The following PTPRA variants were observed in gnomAD, a reference collection of about 807,000 sequenced individuals.
PTPRA encodes receptor-type tyrosine-protein phosphatase alpha.
A neutral mutation model predicts 104.8 loss-of-function variants in PTPRA; 25 were observed. That is an observed-to-expected ratio of 0.24 (90% CI 0.17 to 0.33). PTPRA has a LOEUF of 0.33. Ranked by LOEUF, PTPRA falls within the 10% of genes least tolerant of loss-of-function variation. PTPRA has a pLI of 1.00. For missense variants in PTPRA, 765 were observed against 1,015.3 expected (o/e 0.75, Z 3.35); for synonymous variants, 323 against 368.9 (o/e 0.88, Z 1.43).
intron 22 of PTPRA, among the ~76,000 whole-genome samples, chr20:3,036,666 G>A (rs890678230): frequency 6.6e-6 from 1 of 152,260 alleles, no homozygotes; most frequent in Non-Finnish European, 1.5e-5. Flanking sequence ...TCAGTGTCTG[G>A]TGAGTGAATC....
At chr20:3,028,169 C>T (rs2065240646) in intron 20 of PTPRA, among the ~76,000 whole-genome samples, 1 of 151,038 alleles carries the variant, frequency 6.6e-6, no homozygotes, top group Non-Finnish European at 1.5e-5. Context: ...CTAGCCTTTG[C>T]ACAGTGCCCC....
intron 2 of PTPRA, among the ~76,000 whole-genome samples, chr20:2,929,898 G>C (rs1000122639): frequency 2.0e-5 from 3 of 152,122 alleles, no homozygotes; most frequent in East Asian, 1.9e-4. Flanking sequence ...TGATGTGACT[G>C]GTGTCCTTGT....
chr20:2,979,910 T>TTTTTG (rs1205318449), intron 6 of PTPRA, among the ~76,000 whole-genome samples: 8 of 151,994 alleles, frequency 5.3e-5, no homozygotes, highest in South Asian at 2.1e-4. Flanking sequence ...TTTGTTTTCA[T>TTTTTG]TTTTGTTTTG....
intron 11 of PTPRA, among the ~76,000 whole-genome samples, chr20:3,012,092 G>A (rs907121801): frequency 6.6e-6 from 1 of 152,222 alleles, no homozygotes; most frequent in Non-Finnish European, 1.5e-5. Flanking sequence ...AGTCAAGCTA[G>A]AAGGGAGCAG....
At chr20:2,904,050 A>C (rs1173959843) in intron 1 of PTPRA, among the ~76,000 whole-genome samples, 1 of 151,832 alleles carries the variant, frequency 6.6e-6, no homozygotes, top group East Asian at 1.9e-4. Context: ...AGGACCACAG[A>C]CGCGTGCCAC....
At chr20:2,916,419 T>A (rs2059906338) in intron 1 of PTPRA, among the ~76,000 whole-genome samples, 1 of 152,214 alleles carries the variant, frequency 6.6e-6, no homozygotes, top group African/African-American at 2.4e-5. Flanking sequence ...CCCAGTGCCA[T>A]TTGTTGAAGA....
At chr20:3,033,256 A>G (rs2065608079) in intron 20 of PTPRA, among the ~76,000 whole-genome samples, 1 of 150,596 alleles carries the variant, frequency 6.6e-6, no homozygotes, top group East Asian at 1.9e-4. Context: ...AGTCCACCCC[A>G]CTCTTAGCCA....
chr20:2,945,041 A>AT (rs2061073825), intron 2 of PTPRA, among the ~76,000 whole-genome samples: 1 of 151,818 alleles, frequency 6.6e-6, no homozygotes, highest in Admixed American at 6.6e-5. Context: ...TCTCTTTGGT[A>AT]TTTTTTTATA....
At position 3,037,810 on chromosome 20, in the gene PTPRA, T is replaced by C. The variant is rs940836748; in HGVS notation, c.2335-249T>C. Among the ~76,000 whole-genome samples the C allele has an allele frequency of 1.3e-5, 2 of 152,120 alleles. No individual in the cohort carries two copies. The highest frequency in any genetic ancestry group is 2.4e-5 in the African/African-American group (1 of 41,430). ...CTGCACTGTCTCCCAGCCCAGCACATGCCTGTCTGACCTCTGTGGGGCCTG... is the reference window on the plus strand; with the variant it reads ...CTGCACTGTCTCCCAGCCCAGCACACGCCTGTCTGACCTCTGTGGGGCCTG... On this transcript the variant is annotated intron_variant, in intron 23 of 23. Transcript: ENST00000399903. The surrounding 1 kb of genome is among the most constrained non-coding windows in gnomAD (Gnocchi z 4.3).
chr20:2,935,899 C>T (rs1463743528), intron 2 of PTPRA, among the ~76,000 whole-genome samples: 5 of 152,138 alleles, frequency 3.3e-5, no homozygotes, highest in African/African-American at 4.8e-5. Flanking sequence ...TGCCTATGAT[C>T]CCAGCTACTT....
Position 3,037,738 on chromosome 20 carries a change from G to C in PTPRA, c.2335-321G>C, listed in dbSNP as rs149921665. ...TTGGGAGACGAGGTTCTGAGAGCCA[G>C]GGTGCATGCTAGCCTGGCAGCCATG... is the stretch of plus-strand genomic sequence containing the variant. On this transcript the variant is annotated intron_variant, in intron 23 of 23. Coordinates refer to ENST00000399903, the MANE Select transcript of PTPRA (RefSeq NM_001385305.1). The surrounding 1 kb of genome is among the most constrained non-coding windows in gnomAD (Gnocchi z 4.3). 4.2e-4 allele frequency among the ~76,000 whole-genome samples: 64 copies of C among 152,318 alleles called. No individual in the cohort carries two copies. The highest frequency in any genetic ancestry group is 3.4e-3 in the Middle Eastern group (1 of 294).
Position 3,022,853 on chromosome 20 carries a change from G to T in PTPRA, c.1464+29G>T, listed in dbSNP as rs186404245. On this transcript the variant is annotated intron_variant, in intron 16 of 23. Coordinates refer to ENST00000399903, the MANE Select transcript of PTPRA (RefSeq NM_001385305.1). The surrounding 1 kb of genome is among the most constrained non-coding windows in gnomAD (Gnocchi z 4.6). ...AGTGATCTGTGGGTCAGGTGAGGGT[G>T]GGGGGTTCCAGGACTAAAACATCTG... 2 of 1,613,726 alleles carry T rather than the reference G, an allele frequency of 1.2e-6. No individual in the cohort carries two copies. Among genetic ancestry groups the T allele is most frequent in the Admixed American group, 1.7e-5 (1 of 59,998 alleles).
intron 2 of PTPRA, among the ~76,000 whole-genome samples, chr20:2,941,819 G>A (rs549421276): frequency 6.6e-6 from 1 of 152,082 alleles, no homozygotes; most frequent in Admixed American, 6.5e-5. Flanking sequence ...CCTGATTCCT[G>A]TTCATCTTCT....
intron 1 of PTPRA, among the ~76,000 whole-genome samples, chr20:2,908,180 T>G (rs2059494819): frequency 6.6e-6 from 1 of 152,176 alleles, no homozygotes; most frequent in South Asian, 2.1e-4. Flanking sequence ...ATTTTCAAAT[T>G]TTTCTGACCA....
chr20:2,912,198 G>A (rs1342611658), intron 1 of PTPRA, among the ~76,000 whole-genome samples: 1 of 151,600 alleles, frequency 6.6e-6, no homozygotes, highest in East Asian at 1.9e-4. Context: ...AGTGAGCCGA[G>A]ATCACACCAT....
At chr20:3,008,262 C>A (rs1307434059) in intron 11 of PTPRA, among the ~76,000 whole-genome samples, 1 of 152,306 alleles carries the variant, frequency 6.6e-6, no homozygotes, top group East Asian at 1.9e-4. Flanking sequence ...GTGGTACATG[C>A]ATACAGTGGA....
At position 3,022,261 on chromosome 20, in the gene PTPRA, C is replaced by T. The variant is rs754280980; in HGVS notation, c.1328+41C>T. The T allele has an allele frequency of 2.1e-5, 34 of 1,604,472 alleles. No individual in the cohort carries two copies. The highest frequency in any genetic ancestry group is 3.4e-5 in the Admixed American group (2 of 59,676). On this transcript the variant is annotated intron_variant, in intron 15 of 23. Coordinates refer to ENST00000399903, the MANE Select transcript of PTPRA (RefSeq NM_001385305.1). This position sits in a 1 kb window ranked among gnomAD's most constrained non-coding sequence, Gnocchi z 4.6. ...CCCTTGTACCCCCACCCCCACATTT[C>T]GCCCCCATGGCCAGAGCAGGGGAAC...
At chr20:3,018,213 GTTGTT>G (rs370671143) in intron 13 of PTPRA, among the ~76,000 whole-genome samples, 467 of 152,146 alleles carry the variant, frequency 3.1e-3, no homozygotes, top group African/African-American at 4.5e-3. Context: ...TTTTTTTGTT[GTTGTT>G]TTGTTTTGTT....
chr20:3,010,727 G>A (rs1402499570), intron 11 of PTPRA, among the ~76,000 whole-genome samples: 1 of 152,208 alleles, frequency 6.6e-6, no homozygotes, highest in Non-Finnish European at 1.5e-5. Flanking sequence ...AGGGAGCAAG[G>A]CTTTTCACGG....
Sources: allele counts gnomAD v4.1 joint callset (sites outside exome capture counted in the v4.1 genomes callset), GRCh38; gene constraint gnomAD v4.1.1; non-coding constraint Gnocchi (gnomAD v3.1); transcripts MANE v1.5; gene names NCBI Gene and HGNC (gene_info 2026-07-23, HGNC 2026-07-21).